The following RRBP1 variants were observed in gnomAD, a reference collection of about 807,000 sequenced individuals.
The protein encoded by RRBP1 is ribosome-binding protein 1.
RRBP1 carries 94 observed loss-of-function variants against 165.2 expected under a neutral mutation model. The observed-to-expected ratio is 0.57, with a 90% CI of 0.48 to 0.68. The LOEUF is 0.68. Ranked by LOEUF, RRBP1 falls within the 30% of genes least tolerant of loss-of-function variation. The pLI is 0.00. For synonymous variants in RRBP1, 680 were observed against 714.5 expected, an observed-to-expected ratio of 0.95 and a Z score of 0.77; for missense variants, 1,676 against 1,763.0, an observed-to-expected ratio of 0.95 and a Z score of 0.88.
intron 23 of RRBP1, 75 bp from the exon 24 acceptor site, chr20:17,614,955 C>G: frequency 1.3e-6 from 2 of 1,532,530 alleles, no homozygotes; most frequent in South Asian, 2.3e-5. Flanking sequence ...CCACAGGACC[C>G]TGACGCCAGG....
chr20:17,658,428 A>G (rs994793240), intron 3 of RRBP1, among the ~76,000 whole-genome samples, 168 bp downstream of exon 3: 1 of 152,234 alleles, frequency 6.6e-6, no homozygotes, highest in Non-Finnish European at 1.5e-5. Context: ...AAGCATGAGC[A>G]ACAATAAATG....
intron 6 of RRBP1, 126 bp from the exon 7 acceptor site, chr20:17,635,790 G>T: frequency 1.3e-6 from 1 of 750,044 alleles, no homozygotes; most frequent in Non-Finnish European, 2.2e-6. Context: ...CCTTTTCCAC[G>T]TGGAAGTTAA....
chr20:17,645,880 G>C (rs2122381749), intron 3 of RRBP1, among the ~76,000 whole-genome samples: 1 of 152,322 alleles, frequency 6.6e-6, no homozygotes, highest in African/African-American at 2.4e-5. Flanking sequence ...AGCTCCCTGA[G>C]GGCTTGCTCC....
rs1376424630 is a variant in RRBP1 at position 17,659,647 on chromosome 20, G to A, written c.861C>T (p.Thr287=). The change falls in exon 3 of 25, where the codon ACC becomes ACT. Residue 287 remains threonine, a synonymous_variant. Transcript: ENST00000377813. ...NQGKKVEGAP[T]QGRKAEGAQN... is the part of the protein sequence containing the mutation. ...GAGCCCCCTCGGCCTTTCTGCCCTG[G>A]GTTGGGGCCCCCTCCACCTTTTTCC... The A allele has an allele frequency of 1.3e-5, 20 of 1,549,666 alleles. No individual in the cohort carries two copies. Among genetic ancestry groups the A allele is most frequent in the Non-Finnish European group, 1.7e-5 (20 of 1,146,830 alleles).
rs2036414495 is a variant in RRBP1 at position 17,643,879 on chromosome 20, C to G, written c.1913-752G>C. Among the ~76,000 whole-genome samples the G allele has an allele frequency of 1.3e-5, 2 of 152,304 alleles. No homozygotes were observed. The highest frequency in any genetic ancestry group is 4.1e-4 in the South Asian group (2 of 4,820). On this transcript the variant is annotated intron_variant, in intron 3 of 24. Transcript: ENST00000377813. This position sits in a 1 kb window ranked among gnomAD's most constrained non-coding sequence, Gnocchi z 4.3. ...GACACCCCCCACGCCCCTCCCCACA[C>G]ACATGGTTTTGTTCTCATTGGGGCT...
intron 12 of RRBP1, among the ~76,000 whole-genome samples, chr20:17,625,283 A>G (rs2035994816): frequency 6.6e-6 from 1 of 152,096 alleles, no homozygotes; most frequent in Non-Finnish European, 1.5e-5. Flanking sequence ...TCCACGCTTG[A>G]GCGAGTGGCG....
In RRBP1 at chr20:17,619,728, C is replaced by T; in HGVS notation, c.3580G>A (p.Val1194Met). Residue 1194 changes from valine to methionine, a missense_variant and splice_region_variant, in exon 19 of 25, where the codon GTG (valine) becomes ATG (methionine). Coordinates refer to ENST00000377813, the MANE Select transcript of RRBP1 (RefSeq NM_001365613.2). ...LKGELESSDQ[V>M]REHTSHLEAE... ...TCCAAATGCGACGTGTGCTCCCTCA[C>T]CTGGACAGATGCACAGACACGCACA... 6.2e-7 allele frequency: 1 copy of T among 1,608,920 alleles called. No individual in the cohort carries two copies.
intron 3 of RRBP1, among the ~76,000 whole-genome samples, chr20:17,647,811 G>A (rs1214215373): frequency 6.6e-6 from 1 of 152,238 alleles, no homozygotes; most frequent in South Asian, 2.1e-4. Flanking sequence ...CATGTAGTCT[G>A]AATAGCTGCT....
chr20:17,666,243 G>C (rs73262677), intron 2 of RRBP1, among the ~76,000 whole-genome samples: 12 of 151,934 alleles, frequency 7.9e-5, no homozygotes, highest in Non-Finnish European at 1.5e-4. Flanking sequence ...ACAGTGGTTC[G>C]TGTCTGTAGT....
intron 8 of RRBP1, 124 bp from the exon 9 acceptor site, chr20:17,630,085 G>T: frequency 9.9e-7 from 1 of 1,007,670 alleles, no homozygotes; most frequent in Non-Finnish European, 1.4e-6. Flanking sequence ...TGGTCCATGT[G>T]GGAAGGAAAT....
chr20:17,668,345 G>C (rs2036909579), intron 2 of RRBP1, among the ~76,000 whole-genome samples: 1 of 152,190 alleles, frequency 6.6e-6, no homozygotes, highest in Admixed American at 6.5e-5. Flanking sequence ...TGTTTTTTAA[G>C]TCTGACTGGC....
At chr20:17,660,936 C>T (rs2036754745) in intron 2 of RRBP1, among the ~76,000 whole-genome samples, 1 of 152,048 alleles carries the variant, frequency 6.6e-6, no homozygotes, top group African/African-American at 2.4e-5. Context: ...CCCGCCCCCA[C>T]CTAAAATTAG....
intron 17 of RRBP1, 109 bp from the exon 18 acceptor site, chr20:17,620,479 G>T (rs551749413): frequency 1.9e-6 from 2 of 1,036,894 alleles, no homozygotes; most frequent in Admixed American, 1.7e-5. Context: ...AGCCCCGGGG[G>T]TGCCCACTCC....
chr20:17,633,306 T>C, intron 8 of RRBP1, among the ~76,000 whole-genome samples, 154 bp downstream of exon 8: 1 of 152,204 alleles, frequency 6.6e-6, no homozygotes. Context: ...GGTGAAGAGT[T>C]TGAGCCCCAG....
intron 8 of RRBP1, among the ~76,000 whole-genome samples, chr20:17,631,558 G>A (rs530790845): frequency 1.1e-4 from 17 of 152,274 alleles, no homozygotes; most frequent in African/African-American, 4.1e-4. Flanking sequence ...CAATCACACT[G>A]AACAATTTCA....
At chr20:17,664,281 C>T (rs561693995) in intron 2 of RRBP1, among the ~76,000 whole-genome samples, 135 of 152,286 alleles carry the variant, frequency 8.9e-4, no homozygotes, top group South Asian at 2.5e-3. Flanking sequence ...CCACTGCACA[C>T]GGGATCGTTC....
chr20:17,667,115 T>C (rs1400834828), intron 2 of RRBP1, among the ~76,000 whole-genome samples: 1 of 152,242 alleles, frequency 6.6e-6, no homozygotes, highest in Non-Finnish European at 1.5e-5. Context: ...CTCTTGAGTC[T>C]CATAGAATAA....
rs769287528 is a variant in RRBP1 at position 17,620,475 on chromosome 20, G to A, written c.3508-105C>T. ...GGACTGACCCAACTTAGGAAGCCCC[G>A]GGGGTGCCCACTCCGCCCAGCTGGG... On this transcript the variant is annotated intron_variant, in intron 17 of 24. Coordinates refer to ENST00000377813, the MANE Select transcript of RRBP1 (RefSeq NM_001365613.2). 1.6e-4 allele frequency: 167 copies of A among 1,067,198 alleles called. 1 individual carries two copies. Among genetic ancestry groups the A allele is most frequent in the Admixed American group, 1.0e-4 (6 of 58,424 alleles). 66.1% of individuals were successfully genotyped at this position (1,067,198 alleles called of 1,614,324 possible).
intron 8 of RRBP1, among the ~76,000 whole-genome samples, chr20:17,630,630 C>T (rs1363892655): frequency 1.3e-5 from 2 of 152,182 alleles, no homozygotes; most frequent in Admixed American, 6.5e-5. Flanking sequence ...TCTGGCAGTC[C>T]CAGTCGGTGC....
Sources: allele counts gnomAD v4.1 joint callset (sites outside exome capture counted in the v4.1 genomes callset), GRCh38; gene constraint gnomAD v4.1.1; non-coding constraint Gnocchi (gnomAD v3.1); transcripts MANE v1.5; gene names NCBI Gene and HGNC (gene_info 2026-07-23, HGNC 2026-07-21).